Variants in PAMR1 observed in about 807,000 individuals in gnomAD.
The protein encoded by PAMR1 is inactive serine protease PAMR1.
A neutral mutation model predicts 81.8 loss-of-function variants in PAMR1; 88 were observed. That is an observed-to-expected ratio of 1.08 (90% CI 0.91 to 1.28). PAMR1 has a LOEUF of 1.28. Among genes scored for constraint, PAMR1 ranks in the 50% most tolerant of loss-of-function variants. The pLI is 0.00. For synonymous variants in PAMR1, 336 were observed against 345.3 expected (o/e 0.97, Z 0.30); for missense variants, 935 against 919.7 (o/e 1.02, Z -0.21).
chr11:35,469,476 C>T (rs761647956), intron 5 of PAMR1, among the ~76,000 whole-genome samples: 2 of 152,182 alleles, frequency 1.3e-5, no homozygotes, highest in Non-Finnish European at 2.9e-5. Flanking sequence ...TCAGCCTATA[C>T]CTGCAGGGTG....
At chr11:35,512,744 G>A (rs1313586130) in intron 1 of PAMR1, among the ~76,000 whole-genome samples, 1 of 152,198 alleles carries the variant, frequency 6.6e-6, no homozygotes, top group Non-Finnish European at 1.5e-5. Flanking sequence ...TGTAACTCTA[G>A]CATTTTGGGA....
At chr11:35,526,601 G>C (rs1851396638), upstream of PAMR1, among the ~76,000 whole-genome samples, 1 of 152,172 alleles carries the variant, frequency 6.6e-6, no homozygotes, top group African/African-American at 2.4e-5. Flanking sequence ...CGGAACCATT[G>C]AGGATTACAA....
rs537101212 is a variant in PAMR1 at position 35,439,706 on chromosome 11, A to C, written c.1034-13T>G. 230 of 1,606,592 alleles carry C rather than the reference A, an allele frequency of 1.4e-4. No homozygotes were observed. The highest frequency in any genetic ancestry group is 4.5e-4 in the East Asian group (20 of 44,862). Reference sequence around the variant, plus strand: ...GGTTCTCGGCAGGCTAGAAATAAAAAAGACAATGCTGCATGATCCTTTTCC... The same window carrying C: ...GGTTCTCGGCAGGCTAGAAATAAAACAGACAATGCTGCATGATCCTTTTCC... On this transcript the variant is annotated splice_polypyrimidine_tract_variant and intron_variant, in intron 7 of 10. Coordinates refer to ENST00000619888, the MANE Select transcript of PAMR1 (RefSeq NM_001001991.3).
At position 35,458,305 on chromosome 11, in the gene PAMR1, C is replaced by T. The variant is rs528001383; in HGVS notation, c.820+9696G>A. Among the ~76,000 whole-genome samples the T allele has an allele frequency of 2.6e-5, 4 of 152,254 alleles. No individual in the cohort carries two copies. In the South Asian group the frequency reaches 6.2e-4, roughly 24 times the overall value. Reference sequence around the variant, plus strand: ...CACTTTCTTTTAATCTCTATCCCATCTAATGCTCTATTTTTTTATTGTTCT... The same window carrying T: ...CACTTTCTTTTAATCTCTATCCCATTTAATGCTCTATTTTTTTATTGTTCT... On this transcript the variant is annotated intron_variant, in intron 6 of 10. Coordinates refer to ENST00000619888, the MANE Select transcript of PAMR1 (RefSeq NM_001001991.3).
At position 35,478,835 on chromosome 11, in the gene PAMR1, CGTGT is replaced by C. The variant is rs111660645; in HGVS notation, c.380-4095_380-4092del. Among the ~76,000 whole-genome samples the C allele has an allele frequency of 4.0e-5, 6 of 149,692 alleles. No homozygotes were observed. In the South Asian group the frequency reaches 6.4e-4, roughly 16 times the overall value. ...GAGAAGAGGGGTATAGGTGTGTGGG[CGTGT>C]GTGTGTGTGTGTGTGTGTCTGTGTG... On this transcript the variant is annotated intron_variant, in intron 3 of 10. Coordinates refer to ENST00000619888, the MANE Select transcript of PAMR1 (RefSeq NM_001001991.3).
At chr11:35,527,540 G>A (rs1310438272), upstream of PAMR1, among the ~76,000 whole-genome samples, 1 of 152,118 alleles carries the variant, frequency 6.6e-6, no homozygotes, top group African/African-American at 2.4e-5. Flanking sequence ...GAATACCAGA[G>A]GGCAGCATAT....
intron 1 of PAMR1, among the ~76,000 whole-genome samples, chr11:35,516,907 C>T (rs546924186): frequency 1.3e-5 from 2 of 151,914 alleles, no homozygotes; most frequent in Non-Finnish European, 2.9e-5. Flanking sequence ...GCAGCTCAAA[C>T]AAATAATCGC....
At chr11:35,470,055 C>T (rs1856824055) in intron 5 of PAMR1, among the ~76,000 whole-genome samples, 1 of 152,088 alleles carries the variant, frequency 6.6e-6, no homozygotes, top group Non-Finnish European at 1.5e-5. Flanking sequence ...TAAATGTATG[C>T]CTAGGGTTGG....
chr11:35,443,683 A>G (rs966229857), intron 6 of PAMR1, among the ~76,000 whole-genome samples: 3 of 152,126 alleles, frequency 2.0e-5, no homozygotes, highest in Admixed American at 2.0e-4. Context: ...ATGTGCATGT[A>G]TCTTTATAAT....
intron 6 of PAMR1, among the ~76,000 whole-genome samples, chr11:35,443,311 G>T (rs1278529833): frequency 6.6e-6 from 1 of 151,920 alleles, no homozygotes; most frequent in Non-Finnish European, 1.5e-5. Flanking sequence ...CCATCACCTA[G>T]GTATTAAGCC....
At chr11:35,467,766 A>G (rs578138287) in intron 6 of PAMR1, among the ~76,000 whole-genome samples, 1 of 152,188 alleles carries the variant, frequency 6.6e-6, no homozygotes, top group Non-Finnish European at 1.5e-5. Flanking sequence ...TCTAAGAGGT[A>G]TTTGCAGCAA....
chr11:35,452,883 T>A (rs780674689), intron 6 of PAMR1, among the ~76,000 whole-genome samples: 2 of 152,176 alleles, frequency 1.3e-5, no homozygotes, highest in Non-Finnish European at 2.9e-5. Flanking sequence ...TTTAAATGAG[T>A]TTATTCACTA....
At chr11:35,526,513 G>C (rs1490085067), upstream of PAMR1, among the ~76,000 whole-genome samples, 4 of 152,208 alleles carry the variant, frequency 2.6e-5, no homozygotes, top group East Asian at 7.7e-4. Context: ...CTCCGTGCCA[G>C]GTGTCATGTA....
chr11:35,437,218 C>G (rs1299785525), intron 8 of PAMR1, among the ~76,000 whole-genome samples: 1 of 152,132 alleles, frequency 6.6e-6, no homozygotes, highest in African/African-American at 2.4e-5. Context: ...ATGACTGTCA[C>G]CTGAAAAGTT....
At chr11:35,480,121 T>C (rs540825215) in intron 3 of PAMR1, among the ~76,000 whole-genome samples, 1 of 152,304 alleles carries the variant, frequency 6.6e-6, no homozygotes, top group East Asian at 1.9e-4. Flanking sequence ...TACCTCTGCC[T>C]CCGCCAAGTC....
chr11:35,448,462 T>C (rs1474251100), intron 6 of PAMR1, among the ~76,000 whole-genome samples: 1 of 152,244 alleles, frequency 6.6e-6, no homozygotes, highest in Non-Finnish European at 1.5e-5. Context: ...ATTGTGAAGT[T>C]CTTATGCTGT....
At chr11:35,434,212 CAT>C (rs1324456799) in intron 10 of PAMR1, among the ~76,000 whole-genome samples, 1 of 152,094 alleles carries the variant, frequency 6.6e-6, no homozygotes, top group Non-Finnish European at 1.5e-5. Context: ...TACCAGGTAA[CAT>C]GTGCTACTAG....
chr11:35,464,984 C>T (rs576148577), intron 6 of PAMR1, among the ~76,000 whole-genome samples: 68 of 152,242 alleles, frequency 4.5e-4, no homozygotes, highest in African/African-American at 1.3e-3. Context: ...TAAGAGGACT[C>T]GCTAATGGGA....
At position 35,515,122 on chromosome 11, in the gene PAMR1, G is replaced by A. The variant is rs16927586; in HGVS notation, c.73+10391C>T. Among the ~76,000 whole-genome samples, 953 of 152,264 alleles carry A rather than the reference G, an allele frequency of 6.3e-3. 10 individuals are homozygous for A. Among genetic ancestry groups the A allele is most frequent in the African/African-American group, 0.022 (898 of 41,554 alleles). On this transcript the variant is annotated intron_variant, in intron 1 of 10. Transcript: ENST00000619888. ...AGCTATACCCTAAAAATCCAATCTC[G>A]TTTTCCCAAGACCCAAGAATTCTAC...
Sources: allele counts gnomAD v4.1 joint callset (sites outside exome capture counted in the v4.1 genomes callset), GRCh38; gene constraint gnomAD v4.1.1; transcripts MANE v1.5; gene names NCBI Gene and HGNC (gene_info 2026-07-23, HGNC 2026-07-21).